Variants in LONP1 observed in about 807,000 individuals in gnomAD.
LONP1 encodes the protein lon protease homolog, mitochondrial.
A neutral mutation model predicts 98.5 loss-of-function variants in LONP1; 31 were observed. That is an observed-to-expected ratio of 0.31 (90% CI 0.24 to 0.42). The LOEUF (loss-of-function observed/expected upper bound fraction) is 0.42. LONP1 is among the 20% of genes least tolerant of loss of function. The pLI is 1.00. For missense variants in LONP1, 1,336 were observed against 1,350.6 expected, an observed-to-expected ratio of 0.99 and a Z score of 0.17; for synonymous variants, 781 against 594.7, an observed-to-expected ratio of 1.31 and a Z score of -4.56.
chr19:5,718,858 C>A (rs1290224426), intron 1 of LONP1, among the ~76,000 whole-genome samples: 1 of 152,076 alleles, frequency 6.6e-6, no homozygotes, highest in African/African-American at 2.4e-5. Flanking sequence ...TAATTTCTAC[C>A]ACCGGAATGA....
At position 5,705,823 on chromosome 19, in the gene LONP1, T is replaced by A; in HGVS notation, c.1316A>T (p.Asp439Val). The A allele has an allele frequency of 6.2e-7, 1 of 1,614,144 alleles. No individual in the cohort carries two copies. Among genetic ancestry groups the A allele is most frequent in the Non-Finnish European group, 8.5e-7 (1 of 1,180,026 alleles). The change falls in exon 8 of 18, where the codon GAC (aspartate) becomes GTC (valine). Residue 439 changes from aspartate (D) to valine (V), a missense_variant. Physicochemically the swap from Asp to Val is radical, Grantham distance 152 (BLOSUM62 -3). Transcript: ENST00000360614. ...VVPKHVMDVV[D>V]EELSKLGLLD... ...CAGGCCCAGCTTGCTCAGCTCCTCG[T>A]CCACAACATCCATGACGTGCTTGGG...
intron 10 of LONP1, among the ~76,000 whole-genome samples, chr19:5,697,540 G>A (rs1477486273): frequency 7.2e-6 from 1 of 139,318 alleles, no homozygotes; most frequent in Non-Finnish European, 1.6e-5. Flanking sequence ...AGGGGGAAGA[G>A]GGAGGAGATG....
At chr19:5,699,263 A>C (rs960583913) in intron 9 of LONP1, 58 bp from the exon 10 acceptor site, 51 of 1,391,124 alleles carry the variant, frequency 3.7e-5, no homozygotes, top group Non-Finnish European at 4.3e-5. Context: ...GGACCCGCGC[A>C]TGACTCTCGC....
At position 5,698,632 on chromosome 19, in the gene LONP1, G is replaced by C. The variant is rs1046710870; in HGVS notation, c.1685+395C>G. Among the ~76,000 whole-genome samples the C allele has an allele frequency of 3.9e-5, 6 of 152,220 alleles. 1 individual carries two copies. The highest frequency in any genetic ancestry group is 2.6e-4 in the Admixed American group (4 of 15,282). On this transcript the variant is annotated intron_variant, in intron 10 of 17. Coordinates refer to ENST00000360614, the MANE Select transcript of LONP1 (RefSeq NM_004793.4). ...GACTCCAGCCCACAGGCTTCGGGGT[G>C]GGGGGTGGAGCCGACCCCACCCCTA...
intron 1 of LONP1, chr19:5,717,710 G>A (rs189237914): frequency 6.6e-6 from 1 of 152,336 alleles, no homozygotes; most frequent in African/African-American, 2.4e-5. Flanking sequence ...ACACCAAAGA[G>A]GAAACAGCAT....
intron 10 of LONP1, among the ~76,000 whole-genome samples, chr19:5,697,338 T>C (rs531435259): frequency 3.3e-5 from 5 of 150,082 alleles, no homozygotes; most frequent in Admixed American, 2.0e-4. Context: ...GGGTAAGGAG[T>C]GTCTTAGGGA....
chr19:5,712,771 A>C (rs2055257802), intron 3 of LONP1, among the ~76,000 whole-genome samples: 1 of 152,044 alleles, frequency 6.6e-6, no homozygotes. Context: ...CTGTGACCAC[A>C]GGCATGAGCC....
upstream of LONP1, chr19:5,720,343 C>T (rs916122520): frequency 1.1e-5 from 8 of 733,420 alleles, no homozygotes; most frequent in African/African-American, 1.9e-5. Context: ...CGCTGAAGGC[C>T]TTTTCCGGTC....
chr19:5,691,984 G>T lies in LONP1; in HGVS notation c.*48C>A. ...CGCGCTCCCCACAGCGCTCAGTTCT[G>T]GCCCAGACAGGGCCTGACATCCGCC... On this transcript the variant is annotated 3_prime_UTR_variant, in exon 18 of 18. Coordinates refer to ENST00000360614, the MANE Select transcript of LONP1 (RefSeq NM_004793.4). The T allele has an allele frequency of 6.3e-7, 1 of 1,584,598 alleles. No individual in the cohort carries two copies. The highest frequency in any genetic ancestry group is 8.6e-7 in the Non-Finnish European group (1 of 1,164,556).
chr19:5,701,578 C>T (rs1599459690), intron 8 of LONP1, among the ~76,000 whole-genome samples: 3 of 152,276 alleles, frequency 2.0e-5, no homozygotes, highest in East Asian at 1.9e-4. Flanking sequence ...AGTGGTCCGC[C>T]GGCCTCGGCC....
chr19:5,715,401 T>C (rs2055300126), intron 1 of LONP1, among the ~76,000 whole-genome samples: 2 of 150,508 alleles, frequency 1.3e-5, no homozygotes, highest in South Asian at 4.2e-4. Flanking sequence ...CCCAGCACTT[T>C]GGGAGGCCGA....
intron 9 of LONP1, among the ~76,000 whole-genome samples, chr19:5,700,405 G>A (rs188700237): frequency 7.2e-5 from 11 of 152,216 alleles, no homozygotes; most frequent in South Asian, 2.1e-4. Context: ...GAGCCACAGC[G>A]CCCAGCCGCA....
At chr19:5,716,279 T>TATATATATATATATAC (rs2055320751) in intron 1 of LONP1, among the ~76,000 whole-genome samples, 1 of 107,908 alleles carries the variant, frequency 9.3e-6, no homozygotes, top group African/African-American at 3.2e-5. Context: ...TATATATATA[T>TATATATATATATATAC]ATATATATAT....
chr19:5,707,772 G>A lies in LONP1; in HGVS notation c.987C>T (p.Ile329=), dbSNP rs1255721355. 1 of 1,613,350 alleles carries A rather than the reference G, an allele frequency of 6.2e-7. No individual in the cohort carries two copies. The highest frequency in any genetic ancestry group is 1.1e-5 in the South Asian group (1 of 91,072). ...QAGQRVVDNP[I]YLSDMGAALT... ...GCGCGGCGCCCATGTCGCTCAGGTAGATGGGGTTGTCCACCACCCGCTGGC... is the reference window on the plus strand; with the variant it reads ...GCGCGGCGCCCATGTCGCTCAGGTAAATGGGGTTGTCCACCACCCGCTGGC... The change falls in exon 6 of 18, where the codon ATC becomes ATT. Residue 329 remains isoleucine, a synonymous_variant. Transcript: ENST00000360614.
At chr19:5,712,438 C>T (rs117472882) in intron 3 of LONP1, 1 of 186,692 alleles carries the variant, frequency 5.4e-6, no homozygotes, top group Non-Finnish European at 1.1e-5. Flanking sequence ...AGACTGTCCC[C>T]AAGCACTTCA....
intron 17 of LONP1, 103 bp from the exon 18 acceptor site, chr19:5,692,311 G>GTGATGCCGGGTTCTAAGCAGT (rs2054840747): frequency 8.7e-7 from 1 of 1,152,068 alleles, no homozygotes; most frequent in African/African-American, 1.5e-5. Flanking sequence ...GCGATACACA[G>GTGATGCCGGGTTCTAAGCAGT]TGATGCCGGG....
At position 5,707,823 on chromosome 19, in the gene LONP1, C is replaced by T. The variant is rs888712266; in HGVS notation, c.936G>A (p.Glu312=). 1 of 1,612,972 alleles carries T rather than the reference C, an allele frequency of 6.2e-7. No homozygotes were observed. Among genetic ancestry groups the T allele is most frequent in the Non-Finnish European group, 8.5e-7 (1 of 1,179,834 alleles). ...DIIALNPLYR[E]SVLQMMQAGQ... ...CAGCCTGCATCATCTGCAGCACTGA[C>T]TCCCTGGGGGACAAAGGGAGCTGCC... The change falls in exon 6 of 18, where the codon GAG becomes GAA. Residue 312 remains glutamate (E), a synonymous_variant. Coordinates refer to ENST00000360614, the MANE Select transcript of LONP1 (RefSeq NM_004793.4).
intron 8 of LONP1, among the ~76,000 whole-genome samples, chr19:5,703,745 G>A (rs1416265740): frequency 3.3e-5 from 5 of 151,854 alleles, no homozygotes; most frequent in Non-Finnish European, 7.4e-5. Context: ...ATTCTGGGTG[G>A]GAGAGGTAGC....
chr19:5,696,763 G>T lies in LONP1; in HGVS notation c.1686-6C>A. 1 of 1,604,172 alleles carries T rather than the reference G, an allele frequency of 6.2e-7. No homozygotes were observed. Among genetic ancestry groups the T allele is most frequent in the Non-Finnish European group, 8.5e-7 (1 of 1,172,142 alleles). ...TGGCGCCCACGTAGGTCCGCCTGTG[G>T]GTGCACAGCGGGGTCAGAGGTCACT... On this transcript the variant is annotated splice_polypyrimidine_tract_variant and splice_region_variant and intron_variant, in intron 10 of 17. Transcript: ENST00000360614.
Sources: gnomAD v4.1 joint callset for allele counts (sites outside exome capture counted in the v4.1 genomes callset) on GRCh38, gnomAD v4.1.1 for gene constraint, MANE v1.5 for transcripts, NCBI Gene and HGNC (gene_info 2026-07-23, HGNC 2026-07-21) for gene names.